The following SUPT3H variants were observed in gnomAD, a reference collection of about 807,000 sequenced individuals.
SUPT3H encodes the protein SPT3 homolog, SAGA and STAGA complex component.
In SUPT3H, 44 loss-of-function variants were observed where a neutral mutation model predicts 44.3. The observed-to-expected ratio is 0.99, with a 90% CI of 0.78 to 1.28. SUPT3H has a LOEUF of 1.28. Among genes scored for constraint, SUPT3H ranks in the 50% most tolerant of loss-of-function variants. The pLI is 0.00. For missense variants in SUPT3H, 380 were observed against 387.1 expected, an observed-to-expected ratio of 0.98 and a Z score of 0.15; for synonymous variants, 124 against 125.6, an observed-to-expected ratio of 0.99 and a Z score of 0.09.
intron 2 of SUPT3H, among the ~76,000 whole-genome samples, chr6:45,271,915 T>A (rs1394285929): frequency 6.6e-6 from 1 of 152,088 alleles, no homozygotes; most frequent in Non-Finnish European, 1.5e-5. Flanking sequence ...AGACATGGGG[T>A]CAAAGGAAAT....
chr6:45,220,231 C>CT (rs1361617628), intron 2 of SUPT3H, among the ~76,000 whole-genome samples: 1 of 151,892 alleles, frequency 6.6e-6, no homozygotes, highest in Non-Finnish European at 1.5e-5. Flanking sequence ...ATTAGCATAT[C>CT]AAATTCAACC....
intron 4 of SUPT3H, among the ~76,000 whole-genome samples, chr6:45,016,627 A>G (rs1357124988): frequency 6.6e-6 from 1 of 151,408 alleles, no homozygotes; most frequent in East Asian, 2.0e-4. Flanking sequence ...GTTTACTGAG[A>G]ATGATGATTT....
intron 2 of SUPT3H, among the ~76,000 whole-genome samples, chr6:45,140,071 C>G (rs1166604238): frequency 6.6e-5 from 10 of 152,050 alleles, no homozygotes. Context: ...TTCATGGGAG[C>G]TGGGTGAGGC....
At chr6:44,851,338 T>C (rs539798649) in intron 10 of SUPT3H, among the ~76,000 whole-genome samples, 51 of 152,340 alleles carry the variant, frequency 3.3e-4, no homozygotes, top group Non-Finnish European at 2.6e-4. Flanking sequence ...TTCTCCTTCA[T>C]TGGTAAACAG....
intron 2 of SUPT3H, among the ~76,000 whole-genome samples, chr6:45,364,792 T>C (rs1794852842): frequency 1.3e-5 from 2 of 152,206 alleles, no homozygotes; most frequent in African/African-American, 2.4e-5. Flanking sequence ...CTTACTGAAT[T>C]ATTACAAGAG....
intron 1 of SUPT3H, among the ~76,000 whole-genome samples, chr6:45,366,370 TA>T (rs112396437): frequency 0.23 from 34,360 of 152,082 alleles, 4,557 homozygotes; most frequent in Non-Finnish European, 0.31. Flanking sequence ...TCCTCATCTG[TA>T]AATGGCAACG....
At position 45,048,374 on chromosome 6, in the gene SUPT3H, T is replaced by C. The variant is rs139683926; in HGVS notation, c.187-27742A>G. ...CATGGAGCTTTCCTCCTGTGTTTTC[T>C]TCTAGTAGTTTTACAGTTTCAGATC... On this transcript the variant is annotated intron_variant, in intron 3 of 10. Transcript: ENST00000371459. Among the ~76,000 whole-genome samples the C allele has an allele frequency of 3.6e-3, 541 of 152,198 alleles. 15 individuals are homozygous for C. The highest frequency in any genetic ancestry group is 4.6e-3 in the East Asian group (24 of 5,182).
intron 3 of SUPT3H, among the ~76,000 whole-genome samples, chr6:45,021,889 T>C (rs1163213812): frequency 6.6e-6 from 1 of 152,006 alleles, no homozygotes; most frequent in African/African-American, 2.4e-5. Flanking sequence ...TATCTAAATA[T>C]AGAAATTTAA....
chr6:45,089,132 C>A (rs1796832190), intron 3 of SUPT3H, among the ~76,000 whole-genome samples: 1 of 151,922 alleles, frequency 6.6e-6, no homozygotes, highest in South Asian at 2.1e-4. Context: ...TGGCAAAATG[C>A]TTGCCAAGAG....
chr6:45,230,660 G>GCATATATATATATA lies in SUPT3H; in HGVS notation c.102-124655_102-124654insTATATATATATATG, dbSNP rs765270979. Among the ~76,000 whole-genome samples the GCATATATATATATA allele has an allele frequency of 2.8e-3, 142 of 51,090 alleles. 16 individuals carry two copies. The highest frequency in any genetic ancestry group is 5.7e-3 in the East Asian group (8 of 1,414). The allele number at this position is 51,090 out of a possible 152,430, so 33.5% of individuals were successfully genotyped here. ...TGAAATCATGTTTTAAATTCATTCA[G>GCATATATATATATA]TCTATATATATATATATATATATAT... On this transcript the variant is annotated intron_variant, in intron 2 of 10. Transcript: ENST00000371459.
chr6:45,026,998 T>C (rs1364181213), intron 3 of SUPT3H, among the ~76,000 whole-genome samples: 3 of 145,910 alleles, frequency 2.1e-5, no homozygotes, highest in Non-Finnish European at 4.5e-5. Context: ...TTTTTTTTTT[T>C]TTTTTTTTTG....
intron 10 of SUPT3H, among the ~76,000 whole-genome samples, chr6:44,850,528 G>C (rs1772689378): frequency 6.6e-6 from 1 of 152,168 alleles, no homozygotes; most frequent in South Asian, 2.1e-4. Context: ...AGATCATCAA[G>C]TCTGTCCCTC....
chr6:45,012,869 C>A (rs1402969491), intron 5 of SUPT3H, among the ~76,000 whole-genome samples: 1 of 152,132 alleles, frequency 6.6e-6, no homozygotes, highest in African/African-American at 2.4e-5. Flanking sequence ...AGTCTCTTCC[C>A]TTGCAGTATG....
chr6:44,886,114 C>T lies in SUPT3H; in HGVS notation c.912+46539G>A, dbSNP rs533662963. Among the ~76,000 whole-genome samples the T allele has an allele frequency of 3.2e-3, 489 of 152,198 alleles. 2 individuals carry two copies. Among genetic ancestry groups the T allele is most frequent in the African/African-American group, 0.01 (428 of 41,530 alleles). The stretch of plus-strand genomic sequence containing the variant: ...AATGCCTCCAAGAAATATGGGACTA[C>T]GTGAAAAGACCAAATCTGAGTCTGA... On this transcript the variant is annotated intron_variant, in intron 10 of 10. Coordinates refer to ENST00000371459, the MANE Select transcript of SUPT3H (RefSeq NM_003599.4).
rs891436512 is a variant in SUPT3H, at chr6:44,968,594, T to C, written c.505-6766A>G. Among the ~76,000 whole-genome samples the C allele has an allele frequency of 2.6e-5, 4 of 152,156 alleles. No homozygotes were observed. In the East Asian group the frequency reaches 7.7e-4, roughly 29 times the overall value. ...AACACATGGTAAAGCACCCTTTCTT[T>C]TTATTCCACTGCAAAAGTCATCATT... On this transcript the variant is annotated intron_variant, in intron 6 of 10. Coordinates refer to ENST00000371459, the MANE Select transcript of SUPT3H (RefSeq NM_003599.4).
chr6:45,077,626 CAAAAA>C (rs70993493), intron 3 of SUPT3H, among the ~76,000 whole-genome samples: 1 of 34,020 alleles, frequency 2.9e-5, no homozygotes, highest in East Asian at 8.7e-4. Context: ...GACCTTGTTT[CAAAAA>C]AAAAAAAAAA....
At chr6:45,137,149 C>T (rs918912047) in intron 2 of SUPT3H, among the ~76,000 whole-genome samples, 107 of 152,076 alleles carry the variant, frequency 7.0e-4, no homozygotes, top group African/African-American at 2.1e-3. Context: ...TCCAGCAAAA[C>T]TATTTTTTAA....
Position 45,070,739 on chromosome 6 carries a change from CAAAAAAAAAAAA to C in SUPT3H, c.186+35171_186+35182del, listed in dbSNP as rs11393241. On this transcript the variant is annotated intron_variant, in intron 3 of 10. Transcript: ENST00000371459. ...AATAAGAGCAAAACTCTGTCTCAAA[CAAAAAAAAAAAA>C]AAAAAAAAGAAATGCTTTAATCTCA... Among the ~76,000 whole-genome samples the C allele has an allele frequency of 6.1e-4, 63 of 102,860 alleles. No homozygotes were observed. In the East Asian group the frequency reaches 0.017, roughly 27 times the overall value. 67.5% of individuals were successfully genotyped at this position (102,860 alleles called of 152,430 possible).
At chr6:45,369,558 C>A in intron 1 of SUPT3H, among the ~76,000 whole-genome samples, 1 of 152,062 alleles carries the variant, frequency 6.6e-6, no homozygotes, top group East Asian at 1.9e-4. Flanking sequence ...GTCATTCCCT[C>A]CACTCTCCTC....
Sources: allele counts gnomAD v4.1 joint callset (sites outside exome capture counted in the v4.1 genomes callset), GRCh38; gene constraint gnomAD v4.1.1; transcripts MANE v1.5; gene names NCBI Gene and HGNC (gene_info 2026-07-23, HGNC 2026-07-21).